SLC36A2: variants seen among roughly 807,000 people sequenced by gnomAD.
SLC36A2 encodes proton-coupled amino acid transporter 2.
A neutral mutation model predicts 42.7 loss-of-function variants in SLC36A2; 39 were observed. The observed-to-expected ratio is 0.91, with a 90% CI of 0.71 to 1.19. SLC36A2 has a LOEUF of 1.19. Among genes scored for constraint, SLC36A2 ranks in the 50% most tolerant of loss-of-function variants. SLC36A2 has a pLI of 0.00. For missense variants in SLC36A2, 590 were observed against 613.7 expected (o/e 0.96, Z 0.41); for synonymous variants, 237 against 240.8 (o/e 0.98, Z 0.15).
intron 8 of SLC36A2, among the ~76,000 whole-genome samples, chr5:151,324,286 G>A (rs892419015): frequency 6.6e-6 from 1 of 151,816 alleles, no homozygotes. Context: ...GAGACTATAG[G>A]TGTGTGCCAC....
Position 151,315,805 on chromosome 5 carries a change from A to G in SLC36A2, c.*1012T>C, listed in dbSNP as rs1201299325. ...GCACACAGTAGGTAATCAAGAATGC[A>G]TGTTGCAAGAATTAAGAGGTAAAGT... On this transcript the variant is annotated 3_prime_UTR_variant, in exon 10 of 10. Transcript: ENST00000335244. 2 of 152,256 alleles carry G rather than the reference A, an allele frequency of 1.3e-5. No homozygotes were observed. Among genetic ancestry groups the G allele is most frequent in the Non-Finnish European group, 2.9e-5 (2 of 68,044 alleles). 9.4% of individuals were successfully genotyped at this position (152,256 alleles called of 1,614,324 possible).
Position 151,333,337 on chromosome 5 carries a change from A to T in SLC36A2, c.745-15T>A, listed in dbSNP as rs78850023. ...TCTGGGATTTCCTAAAGAAGAAAGA[A>T]ATGCTATGAGACAGTCACTCTTAAA... On this transcript the variant is annotated splice_polypyrimidine_tract_variant and intron_variant, in intron 6 of 9. Transcript: ENST00000335244. 447 of 1,607,596 alleles carry T rather than the reference A, an allele frequency of 2.8e-4. 2 individuals carry two copies. In the African/African-American group the frequency reaches 5.0e-3, roughly 18 times the overall value.
At chr5:151,325,899 T>C (rs1017889728) in intron 7 of SLC36A2, among the ~76,000 whole-genome samples, 1 of 152,186 alleles carries the variant, frequency 6.6e-6, no homozygotes. Context: ...TATTGTTTAA[T>C]GGGTACAGAG....
In SLC36A2 at chr5:151,338,793, A is replaced by G. The variant is rs117583919; in HGVS notation, c.525+267T>C. On this transcript the variant is annotated intron_variant, in intron 5 of 9. Coordinates refer to ENST00000335244, the MANE Select transcript of SLC36A2 (RefSeq NM_181776.3). ...ATTAAGCTTCAAGGCAGGAGGATTA[A>G]CAAAATCCAAGGGTCTTTCCATTCC... The G allele has an allele frequency of 2.5e-4, 87 of 343,016 alleles. No homozygotes were observed. In the East Asian group the frequency reaches 5.4e-3, roughly 21 times the overall value. 21.2% of individuals were successfully genotyped at this position (343,016 alleles called of 1,614,324 possible). A position where few individuals can be genotyped will look rare whatever the true frequency, so the allele number is the denominator to read the frequency against.
intron 9 of SLC36A2, among the ~76,000 whole-genome samples, chr5:151,318,175 A>G (rs1009025081): frequency 2.0e-5 from 3 of 152,154 alleles, no homozygotes; most frequent in African/African-American, 7.2e-5. Flanking sequence ...CTTTTTGTTC[A>G]GGCATTTTTA....
chr5:151,335,104 T>C (rs1374915963), intron 6 of SLC36A2, among the ~76,000 whole-genome samples: 1 of 151,968 alleles, frequency 6.6e-6, no homozygotes, highest in Non-Finnish European at 1.5e-5. Context: ...AAGCCAGAAT[T>C]TGACATAAAA....
chr5:151,322,463 G>A (rs149222833), intron 8 of SLC36A2, among the ~76,000 whole-genome samples: 92 of 152,328 alleles, frequency 6.0e-4, no homozygotes, highest in African/African-American at 2.1e-3. Flanking sequence ...ACCATCTTGA[G>A]CTTGAGTATG....
intron 7 of SLC36A2, among the ~76,000 whole-genome samples, chr5:151,326,291 T>C (rs1057401400): frequency 6.6e-6 from 1 of 152,206 alleles, no homozygotes; most frequent in African/African-American, 2.4e-5. Flanking sequence ...AACATTCTTT[T>C]CCCATTCACC....
Position 151,334,131 on chromosome 5 carries a change from G to A in SLC36A2, c.745-809C>T, listed in dbSNP as rs527456813. Reference sequence around the variant, plus strand: ...ATGACAGAGCCATTTTTCTAACTGGGCAACCTTTGGAATTGTCCAAAAATG... The same window carrying A: ...ATGACAGAGCCATTTTTCTAACTGGACAACCTTTGGAATTGTCCAAAAATG... On this transcript the variant is annotated intron_variant, in intron 6 of 9. Coordinates refer to ENST00000335244, the MANE Select transcript of SLC36A2 (RefSeq NM_181776.3). 9.9e-5 allele frequency among the ~76,000 whole-genome samples: 15 copies of A among 152,216 alleles called. 1 individual carries two copies. In the South Asian group the frequency reaches 2.9e-3, roughly 29 times the overall value.
At chr5:151,328,792 C>G (rs1258912652) in intron 7 of SLC36A2, among the ~76,000 whole-genome samples, 1 of 152,214 alleles carries the variant, frequency 6.6e-6, no homozygotes, top group Non-Finnish European at 1.5e-5. Flanking sequence ...ATGGTTCCAG[C>G]AGAGTGTTAA....
At position 151,321,998 on chromosome 5, in the gene SLC36A2, G is replaced by A. The variant is rs747900726; in HGVS notation, c.1180+48C>T. On this transcript the variant is annotated intron_variant, in intron 9 of 9. Coordinates refer to ENST00000335244, the MANE Select transcript of SLC36A2 (RefSeq NM_181776.3). ...CGGCCCATCTGGCTGATTCTTTATA[G>A]CCCTCAGAAAAGATCAGCAGGAACA... 9 of 1,610,002 alleles carry A rather than the reference G, an allele frequency of 5.6e-6. No individual in the cohort carries two copies. In the South Asian group the frequency reaches 9.9e-5, roughly 18 times the overall value.
intron 7 of SLC36A2, among the ~76,000 whole-genome samples, chr5:151,330,410 A>T (rs571365060): frequency 1.2e-4 from 19 of 152,258 alleles, no homozygotes; most frequent in Non-Finnish European, 2.9e-5. Flanking sequence ...TTTCAAAATG[A>T]TGAAAAAAAT....
chr5:151,345,520 A>G (rs1756466397), intron 1 of SLC36A2, among the ~76,000 whole-genome samples: 1 of 152,196 alleles, frequency 6.6e-6, no homozygotes, highest in Non-Finnish European at 1.5e-5. Context: ...CTCTGTACAT[A>G]GATTCATCAA....
chr5:151,329,765 AT>A (rs1220932101), intron 7 of SLC36A2, among the ~76,000 whole-genome samples: 1 of 152,192 alleles, frequency 6.6e-6, no homozygotes, highest in Admixed American at 6.5e-5. Context: ...GAGCAAAGAG[AT>A]TTTTTTAAAA....
intron 4 of SLC36A2, among the ~76,000 whole-genome samples, chr5:151,342,683 C>T (rs138323336): frequency 2.6e-4 from 39 of 152,244 alleles, no homozygotes; most frequent in African/African-American, 7.9e-4. Flanking sequence ...ATTAAAGCTG[C>T]GTAGCAAAGG....
chr5:151,321,608 A>C (rs1755691930), intron 9 of SLC36A2, among the ~76,000 whole-genome samples: 1 of 152,004 alleles, frequency 6.6e-6, no homozygotes, highest in South Asian at 2.1e-4. Context: ...AAAGCTTTAA[A>C]ATGGTCCCTG....
intron 5 of SLC36A2, chr5:151,338,580 G>A (rs1756223669): frequency 1.2e-5 from 2 of 162,330 alleles, no homozygotes; most frequent in Admixed American, 5.9e-5. Context: ...GGAGGCTGAG[G>A]TGGGAGAATC....
At chr5:151,335,179 T>C (rs1450325357) in intron 6 of SLC36A2, 150 bp downstream of exon 6, 1 of 654,832 alleles carries the variant, frequency 1.5e-6, no homozygotes, top group African/African-American at 1.8e-5. Context: ...CACGGAGACA[T>C]CCTTGTAGAA....
intron 4 of SLC36A2, among the ~76,000 whole-genome samples, 184 bp downstream of exon 4, chr5:151,342,704 C>T (rs1194706712): frequency 6.6e-6 from 1 of 152,188 alleles, no homozygotes; most frequent in Non-Finnish European, 1.5e-5. Flanking sequence ...AATGAGTATC[C>T]TGTCACTAGA....
Sources: gnomAD v4.1 joint callset for allele counts (sites outside exome capture counted in the v4.1 genomes callset) on GRCh38, gnomAD v4.1.1 for gene constraint, MANE v1.5 for transcripts, NCBI Gene and HGNC (gene_info 2026-07-23, HGNC 2026-07-21) for gene names.